PRIM2: variants seen among roughly 807,000 people sequenced by gnomAD.
PRIM2 encodes DNA primase large subunit.
A neutral mutation model predicts 67.3 loss-of-function variants in PRIM2; 39 were observed. That is an observed-to-expected ratio of 0.58 (90% CI 0.45 to 0.76). The LOEUF (loss-of-function observed/expected upper bound fraction) is 0.76, where lower values mean the gene tolerates loss of function less well. Among genes scored for constraint, PRIM2 ranks in the 30% least tolerant of loss-of-function variants. PRIM2 has a pLI of 0.00. For missense variants in PRIM2, 398 were observed against 598.7 expected, an observed-to-expected ratio of 0.66 and a Z score of 3.50; for synonymous variants, 143 against 198.7, an observed-to-expected ratio of 0.72 and a Z score of 2.36.
chr6:57,315,481 A>C (rs1767463897), upstream of PRIM2, among the ~76,000 whole-genome samples: 1 of 152,224 alleles, frequency 6.6e-6, no homozygotes, highest in South Asian at 2.1e-4. Context: ...TTAAATGAGG[A>C]GCAAAACAGG....
chr6:57,416,227 A>G (rs1435183142), intron 7 of PRIM2, among the ~76,000 whole-genome samples: 2 of 152,250 alleles, frequency 1.3e-5, no homozygotes, highest in African/African-American at 4.8e-5. Flanking sequence ...ATATGAAGAC[A>G]CTAATCTCCT....
At chr6:57,465,984 CT>C (rs1456033784) in intron 7 of PRIM2, among the ~76,000 whole-genome samples, 1 of 151,936 alleles carries the variant, frequency 6.6e-6, no homozygotes, top group Non-Finnish European at 1.5e-5. Flanking sequence ...TCCCCACCCC[CT>C]GACAGGCCCC....
chr6:57,500,645 A>G (rs1188268984), intron 7 of PRIM2, among the ~76,000 whole-genome samples: 28 of 152,358 alleles, frequency 1.8e-4, no homozygotes, highest in Non-Finnish European at 2.9e-4. Context: ...CAATGATTTG[A>G]TTAGTTAAGG....
chr6:57,298,872 G>T, the PRIM2 span, among the ~76,000 whole-genome samples: 1 of 151,886 alleles, frequency 6.6e-6, no homozygotes, highest in Non-Finnish European at 1.5e-5. Flanking sequence ...CCTCTCTGCC[G>T]GCCTTGCTTT....
intron 5 of PRIM2, among the ~76,000 whole-genome samples, chr6:57,352,258 T>G (rs1356040062): frequency 1.3e-5 from 2 of 152,246 alleles, no homozygotes; most frequent in Non-Finnish European, 2.9e-5. Flanking sequence ...TTTCTTTTTT[T>G]GAGCCAGAGT....
chr6:57,296,811 T>C, the PRIM2 span, among the ~76,000 whole-genome samples: 8 of 152,124 alleles, frequency 5.3e-5, no homozygotes, highest in Non-Finnish European at 1.0e-4. Context: ...CTTTGGAAAG[T>C]GCTTGATACC....
intron 7 of PRIM2, among the ~76,000 whole-genome samples, chr6:57,401,824 A>G (rs1770718338): frequency 6.6e-6 from 1 of 152,162 alleles, no homozygotes; most frequent in African/African-American, 2.4e-5. Flanking sequence ...GGTAGGTGGA[A>G]CCCATGGGAG....
the PRIM2 span, among the ~76,000 whole-genome samples, chr6:57,242,339 G>T: frequency 5.3e-5 from 8 of 151,920 alleles, no homozygotes; most frequent in African/African-American, 1.9e-4. Flanking sequence ...TTTGAAAATT[G>T]CTTTTAAATA....
intron 10 of PRIM2, among the ~76,000 whole-genome samples, chr6:57,585,885 T>C (rs1230534047): frequency 1.3e-5 from 2 of 152,244 alleles, no homozygotes; most frequent in Admixed American, 1.3e-4. Flanking sequence ...GTTCAGTTCC[T>C]TTTCAGTAAA....
chr6:57,633,951 C>G (rs1777076760), intron 13 of PRIM2, among the ~76,000 whole-genome samples: 1 of 152,188 alleles, frequency 6.6e-6, no homozygotes, highest in African/African-American at 2.4e-5. Flanking sequence ...GTATACCAGG[C>G]ACAGCACTAA....
At chr6:57,452,362 G>A (rs1772585290) in intron 7 of PRIM2, among the ~76,000 whole-genome samples, 1 of 152,164 alleles carries the variant, frequency 6.6e-6, no homozygotes, top group Non-Finnish European at 1.5e-5. Flanking sequence ...TCACCACACT[G>A]ACTTCCACAA....
At chr6:57,445,713 T>G (rs969599007) in intron 7 of PRIM2, among the ~76,000 whole-genome samples, 1 of 152,222 alleles carries the variant, frequency 6.6e-6, no homozygotes, top group Non-Finnish European at 1.5e-5. Context: ...CCCTTGGCTC[T>G]GCCTGCCACA....
At chr6:57,278,581 C>T in the PRIM2 span, among the ~76,000 whole-genome samples, 3 of 152,178 alleles carry the variant, frequency 2.0e-5, no homozygotes, top group Admixed American at 6.5e-5. Context: ...AGCTATGTCC[C>T]GAAATGTCTT....
intron 8 of PRIM2, among the ~76,000 whole-genome samples, chr6:57,523,845 T>C (rs1774682364): frequency 6.6e-6 from 1 of 152,240 alleles, no homozygotes. Flanking sequence ...AGTACCTAAG[T>C]GCTCATATTG....
chr6:57,442,104 A>G (rs368155989), intron 7 of PRIM2, among the ~76,000 whole-genome samples: 173 of 152,316 alleles, frequency 1.1e-3, no homozygotes, highest in African/African-American at 4.1e-3. Flanking sequence ...GTAATGTTTC[A>G]TGTAAAAAAC....
chr6:57,491,355 A>G (rs1453379326), intron 7 of PRIM2, among the ~76,000 whole-genome samples: 1 of 152,234 alleles, frequency 6.6e-6, no homozygotes, highest in African/African-American at 2.4e-5. Flanking sequence ...ATTGCATTTG[A>G]TAAAGTATTT....
At chr6:57,586,343 G>T (rs1776186551) in intron 10 of PRIM2, among the ~76,000 whole-genome samples, 1 of 152,160 alleles carries the variant, frequency 6.6e-6, no homozygotes, top group South Asian at 2.1e-4. Flanking sequence ...GGTGGTCTGT[G>T]TGTGGTTGGG....
At chr6:57,613,290 T>C (rs1776698296) in intron 12 of PRIM2, among the ~76,000 whole-genome samples, 1 of 152,210 alleles carries the variant, frequency 6.6e-6, no homozygotes, top group South Asian at 2.1e-4. Context: ...TCTTGGGAAC[T>C]AACCAAGCAG....
chr6:57,412,208 T>C lies in PRIM2; in HGVS notation c.693+30040T>C, dbSNP rs534442126. ...TATGGAATTTAACATTTGGAACTCA[T>C]TTTCTTAACATGCACAAGCATTTTC... On this transcript the variant is annotated intron_variant, in intron 7 of 13. Coordinates refer to ENST00000615550, the MANE Select transcript of PRIM2 (RefSeq NM_000947.5). 5.9e-5 allele frequency among the ~76,000 whole-genome samples: 9 copies of C among 152,138 alleles called. No individual in the cohort carries two copies. In the East Asian group the frequency reaches 1.5e-3, roughly 26 times the overall value.
Sources: gnomAD v4.1 joint callset for allele counts (sites outside exome capture counted in the v4.1 genomes callset) on GRCh38, gnomAD v4.1.1 for gene constraint, MANE v1.5 for transcripts, NCBI Gene and HGNC (gene_info 2026-07-23, HGNC 2026-07-21) for gene names.